The following ZNF385D variants were observed in gnomAD, a reference collection of about 807,000 sequenced individuals.
ZNF385D encodes zinc finger protein 385D.
In ZNF385D, 15 loss-of-function variants were observed where a neutral mutation model predicts 35.8. That is an observed-to-expected ratio of 0.42 (90% CI 0.28 to 0.64). ZNF385D has a LOEUF of 0.64. ZNF385D is among the 30% of genes least tolerant of loss of function. ZNF385D has a pLI of 0.23. For missense variants in ZNF385D, 474 were observed against 494.6 expected (o/e 0.96, Z 0.39); for synonymous variants, 212 against 186.8 (o/e 1.13, Z -1.10).
At chr3:22,116,804 T>C (rs1009132167) in intron 3 of ZNF385D, among the ~76,000 whole-genome samples, 4 of 152,034 alleles carry the variant, frequency 2.6e-5, no homozygotes, top group Admixed American at 2.0e-4. Flanking sequence ...TTTTTATAAA[T>C]ATGATGAAAG....
At chr3:22,146,879 A>T (rs1002375370) in intron 3 of ZNF385D, among the ~76,000 whole-genome samples, 2 of 152,184 alleles carry the variant, frequency 1.3e-5, no homozygotes. Context: ...CTAAGTTCTG[A>T]AACATATTTG....
chr3:21,488,978 C>T (rs956363074), intron 4 of ZNF385D, among the ~76,000 whole-genome samples: 6 of 152,084 alleles, frequency 3.9e-5, no homozygotes, highest in South Asian at 2.1e-4. Flanking sequence ...TAGCAGGTAA[C>T]GAGCACATTT....
rs771791506 is a variant in ZNF385D, at chr3:21,872,840, T to A, written c.326-207812A>T. Among the ~76,000 whole-genome samples the A allele has an allele frequency of 2.6e-5, 4 of 152,234 alleles. 1 individual carries two copies. The South Asian group carries it at 8.3e-4, about 32-fold the overall frequency. ...AAGATGTAATTGTATACATACAATT[T>A]AGAGTATTAAGGGTATACAGTTGAT... On this transcript the variant is annotated intron_variant, in intron 3 of 5. Coordinates refer to the ZNF385D transcript ENST00000494108.
chr3:21,899,366 G>A (rs566278128), intron 3 of ZNF385D, among the ~76,000 whole-genome samples: 2 of 152,190 alleles, frequency 1.3e-5, no homozygotes, highest in African/African-American at 4.8e-5. Context: ...TCTCCCACCG[G>A]GGAAAAGAAT....
intron 2 of ZNF385D, among the ~76,000 whole-genome samples, chr3:22,217,243 G>T (rs908085510): frequency 6.6e-6 from 1 of 152,034 alleles, no homozygotes. Context: ...GCTTCTCACA[G>T]AAACCACAAT....
rs116453115 is a variant in ZNF385D at position 22,343,505 on chromosome 3, T to C, written c.106+28945A>G. 9.9e-3 allele frequency among the ~76,000 whole-genome samples: 1,514 copies of C among 152,208 alleles called. 33 individuals are homozygous for C. The highest frequency in any genetic ancestry group is 0.034 in the African/African-American group (1,399 of 41,520). On this transcript the variant is annotated intron_variant, in intron 2 of 5. Coordinates refer to the ZNF385D transcript ENST00000494108. ...CCTGGTGGGACTACCCTGGTGGGAG[T>C]AGCAGCACTTGTCCAGTGGCAGCAG...
upstream of ZNF385D, chr3:21,751,381 A>G: frequency 9.8e-7 from 1 of 1,019,426 alleles, no homozygotes; most frequent in Admixed American, 5.6e-5. Context: ...GCTCTCTTAA[A>G]GCGAGAAGAG....
intron 2 of ZNF385D, among the ~76,000 whole-genome samples, chr3:21,633,424 A>G (rs548400825): frequency 2.6e-5 from 4 of 152,218 alleles, no homozygotes; most frequent in East Asian, 1.9e-4. Flanking sequence ...CAAAACAACA[A>G]AACTAAAAAT....
At chr3:21,533,263 T>A (rs2061964813) in intron 3 of ZNF385D, among the ~76,000 whole-genome samples, 1 of 151,792 alleles carries the variant, frequency 6.6e-6, no homozygotes, top group African/African-American at 2.4e-5. Flanking sequence ...CATTGGCCCG[T>A]CGAATGAACT....
chr3:21,932,166 C>CAAAAAAAAAAAAAAAAAAAAAAAAA (rs543138588), intron 3 of ZNF385D, among the ~76,000 whole-genome samples: 3 of 55,338 alleles, frequency 5.4e-5, no homozygotes, highest in African/African-American at 7.9e-5. Context: ...GACTCATTCT[C>CAAAAAAAAAAAAAAAAAAAAAAAAA]AAAAAAAAAA....
At chr3:21,700,182 G>A (rs1421749870) in intron 1 of ZNF385D, among the ~76,000 whole-genome samples, 1 of 152,018 alleles carries the variant, frequency 6.6e-6, no homozygotes, top group African/African-American at 2.4e-5. Context: ...GAGAATGTCG[G>A]GGCCAGGTTG....
At chr3:21,783,743 T>C (rs1414559443) in intron 3 of ZNF385D, among the ~76,000 whole-genome samples, 1 of 152,154 alleles carries the variant, frequency 6.6e-6, no homozygotes, top group Non-Finnish European at 1.5e-5. Flanking sequence ...AGATGCTCTT[T>C]ACAAATAATA....
At chr3:22,014,195 C>T (rs1365936586) in intron 3 of ZNF385D, among the ~76,000 whole-genome samples, 2 of 151,630 alleles carry the variant, frequency 1.3e-5, no homozygotes, top group African/African-American at 2.4e-5. Flanking sequence ...AAATTAAAAG[C>T]ATGGCTGCTA....
intron 3 of ZNF385D, among the ~76,000 whole-genome samples, chr3:21,985,665 G>A (rs369213984): frequency 1.4e-5 from 2 of 143,450 alleles, no homozygotes; most frequent in South Asian, 4.6e-4. Context: ...TTGGTATCAG[G>A]ATGATGCTGG....
intron 3 of ZNF385D, among the ~76,000 whole-genome samples, chr3:22,118,994 T>A (rs1702947680): frequency 6.6e-6 from 1 of 152,160 alleles, no homozygotes; most frequent in Admixed American, 6.6e-5. Context: ...AACTATCACC[T>A]GCTATTGTAC....
chr3:21,804,286 T>C (rs2072536560), intron 3 of ZNF385D, among the ~76,000 whole-genome samples: 1 of 152,352 alleles, frequency 6.6e-6, no homozygotes, highest in African/African-American at 2.4e-5. Flanking sequence ...TGTTTTCTTA[T>C]ATGATAAAAA....
At chr3:21,560,594 G>A (rs1319791317) in intron 3 of ZNF385D, among the ~76,000 whole-genome samples, 3 of 152,174 alleles carry the variant, frequency 2.0e-5, no homozygotes, top group Non-Finnish European at 4.4e-5. Flanking sequence ...CTACTGGGAG[G>A]TATCTCCCAA....
At chr3:21,731,426 T>C (rs2068990091) in intron 1 of ZNF385D, among the ~76,000 whole-genome samples, 1 of 152,202 alleles carries the variant, frequency 6.6e-6, no homozygotes, top group Non-Finnish European at 1.5e-5. Context: ...CTTCACACAC[T>C]CATAGCCTGT....
intron 4 of ZNF385D, among the ~76,000 whole-genome samples, chr3:21,445,791 G>A (rs941875587): frequency 2.0e-5 from 3 of 152,162 alleles, no homozygotes; most frequent in African/African-American, 7.2e-5. Flanking sequence ...TCCCTGTCAG[G>A]TAGGTGCTAG....
Sources: allele counts gnomAD v4.1 joint callset (sites outside exome capture counted in the v4.1 genomes callset), GRCh38; gene constraint gnomAD v4.1.1; transcripts MANE v1.5; gene names NCBI Gene and HGNC (gene_info 2026-07-23, HGNC 2026-07-21).